ZSWIM6: variants seen among roughly 807,000 people sequenced by gnomAD.
ZSWIM6 encodes zinc finger SWIM-type containing 6, also known as zinc finger SWIM domain-containing protein 6.
In ZSWIM6, 9 loss-of-function variants were observed where a neutral mutation model predicts 113.2. The observed-to-expected ratio is 0.08, with a 90% confidence interval of 0.05 to 0.14. The LOEUF (loss-of-function observed/expected upper bound fraction) is 0.14. Among genes scored for constraint, ZSWIM6 ranks in the 10% least tolerant of loss-of-function variants. The pLI is 1.00. For synonymous variants in ZSWIM6, 611 were observed against 606.5 expected (o/e 1.01, Z -0.11); for missense variants, 1,162 against 1,552.2 (o/e 0.75, Z 4.22).
At chr5:61,491,466 C>T (rs1336009088) in intron 3 of ZSWIM6, among the ~76,000 whole-genome samples, 2 of 151,896 alleles carry the variant, frequency 1.3e-5, no homozygotes, top group Non-Finnish European at 2.9e-5. Flanking sequence ...AGAAAATTAG[C>T]TAATAATAAC....
chr5:61,380,105 C>T (rs1158431897), intron 1 of ZSWIM6, among the ~76,000 whole-genome samples: 2 of 151,756 alleles, frequency 1.3e-5, no homozygotes, highest in Non-Finnish European at 2.9e-5. Context: ...CACGGAGTTT[C>T]GCTCCTGTCA....
At chr5:61,339,261 C>G (rs1744478799) in intron 1 of ZSWIM6, among the ~76,000 whole-genome samples, 1 of 152,136 alleles carries the variant, frequency 6.6e-6, no homozygotes, top group Non-Finnish European at 1.5e-5. Context: ...CAAAAATTAG[C>G]CGGGCGTAGT....
intron 1 of ZSWIM6, among the ~76,000 whole-genome samples, chr5:61,382,943 G>A (rs891568613): frequency 1.3e-5 from 2 of 152,184 alleles, no homozygotes; most frequent in Admixed American, 6.5e-5. Flanking sequence ...AGAGAACATA[G>A]GATGCATTTA....
At chr5:61,470,832 A>G (rs1747553028) in intron 1 of ZSWIM6, among the ~76,000 whole-genome samples, 1 of 152,188 alleles carries the variant, frequency 6.6e-6, no homozygotes, top group Non-Finnish European at 1.5e-5. Context: ...TTCTCCTTTT[A>G]CTAAATGTTG....
intron 1 of ZSWIM6, among the ~76,000 whole-genome samples, chr5:61,449,690 G>A (rs887369267): frequency 2.6e-5 from 4 of 152,114 alleles, no homozygotes; most frequent in South Asian, 2.1e-4. Context: ...TCACATGCCC[G>A]GCAAAACTGG....
intron 1 of ZSWIM6, among the ~76,000 whole-genome samples, chr5:61,437,376 T>C (rs778139384): frequency 4.2e-4 from 64 of 152,152 alleles, no homozygotes; most frequent in Non-Finnish European, 1.8e-4. Context: ...CTGAGATTGC[T>C]ACTGATCTAC....
At chr5:61,337,241 T>C (rs2112021365) in intron 1 of ZSWIM6, among the ~76,000 whole-genome samples, 1 of 152,120 alleles carries the variant, frequency 6.6e-6, no homozygotes, top group South Asian at 2.1e-4. Flanking sequence ...ATTGCACCAC[T>C]GCGCTTCAGC....
At chr5:61,514,390 G>C (rs964524812) in intron 4 of ZSWIM6, among the ~76,000 whole-genome samples, 6 of 151,082 alleles carry the variant, frequency 4.0e-5, no homozygotes, top group African/African-American at 1.5e-4. Context: ...TTATTGGCCT[G>C]TCTAGAATTT....
chr5:61,406,770 T>A (rs1185886860), intron 1 of ZSWIM6, among the ~76,000 whole-genome samples: 3 of 152,064 alleles, frequency 2.0e-5, no homozygotes. Flanking sequence ...TGGAGTGCAG[T>A]GACATGATCT....
intron 12 of ZSWIM6, 96 bp downstream of exon 12, chr5:61,539,855 T>G: frequency 8.3e-7 from 1 of 1,202,556 alleles, no homozygotes. Flanking sequence ...TGAGTGCAGG[T>G]AAATGACTCT....
intron 1 of ZSWIM6, among the ~76,000 whole-genome samples, chr5:61,356,394 A>G (rs1008153736): frequency 2.0e-5 from 3 of 152,096 alleles, no homozygotes; most frequent in East Asian, 1.9e-4. Flanking sequence ...GTTATTTACA[A>G]TGAGTTAGAA....
At chr5:61,438,181 G>GA (rs1323997087) in intron 1 of ZSWIM6, among the ~76,000 whole-genome samples, 3 of 152,050 alleles carry the variant, frequency 2.0e-5, no homozygotes, top group African/African-American at 7.2e-5. Flanking sequence ...AGAGTTTACA[G>GA]AAAAAAATTA....
At chr5:61,381,797 TC>T (rs1303077625) in intron 1 of ZSWIM6, among the ~76,000 whole-genome samples, 1 of 152,190 alleles carries the variant, frequency 6.6e-6, no homozygotes, top group African/African-American at 2.4e-5. Context: ...AGTGAATAGA[TC>T]CCTCCAACAC....
At chr5:61,423,881 C>T (rs979205273) in intron 1 of ZSWIM6, among the ~76,000 whole-genome samples, 4 of 152,156 alleles carry the variant, frequency 2.6e-5, no homozygotes, top group South Asian at 2.1e-4. Flanking sequence ...TACTGGCTGA[C>T]GACATTTTAT....
intron 1 of ZSWIM6, among the ~76,000 whole-genome samples, chr5:61,337,335 A>G (rs1744424316): frequency 6.6e-6 from 1 of 152,150 alleles, no homozygotes; most frequent in Non-Finnish European, 1.5e-5. Context: ...ATGAGATGCC[A>G]TTTTCTTCTA....
At chr5:61,428,539 A>ATTT (rs11429841) in intron 1 of ZSWIM6, among the ~76,000 whole-genome samples, 5 of 147,518 alleles carry the variant, frequency 3.4e-5, no homozygotes, top group African/African-American at 1.0e-4. Flanking sequence ...ACTTAAAACA[A>ATTT]TTTTTTTTTT....
At chr5:61,375,742 A>AG in intron 1 of ZSWIM6, 1 of 1,534,546 alleles carries the variant, frequency 6.5e-7, no homozygotes, top group Middle Eastern at 2.3e-4. Context: ...AAAGAAGAAA[A>AG]GCAGTGAAGA....
chr5:61,482,675 G>T (rs1024611934), intron 2 of ZSWIM6, among the ~76,000 whole-genome samples: 1 of 152,068 alleles, frequency 6.6e-6, no homozygotes, highest in Non-Finnish European at 1.5e-5. Flanking sequence ...ATCTTTGCTT[G>T]CAGTCTTATG....
chr5:61,415,810 T>C (rs1396984591), intron 1 of ZSWIM6, among the ~76,000 whole-genome samples: 1 of 152,206 alleles, frequency 6.6e-6, no homozygotes, highest in East Asian at 1.9e-4. Flanking sequence ...TGCTGCATTC[T>C]ACCTCAGAAG....
Sources: allele counts gnomAD v4.1 joint callset (sites outside exome capture counted in the v4.1 genomes callset), GRCh38; gene constraint gnomAD v4.1.1; transcripts MANE v1.5; gene names NCBI Gene and HGNC (gene_info 2026-07-23, HGNC 2026-07-21).